LEMD3: variants seen among roughly 807,000 people sequenced by gnomAD.
LEMD3 encodes the protein LEM domain containing 3, also known as inner nuclear membrane protein Man1.
LEMD3 carries 33 observed loss-of-function variants against 95.2 expected under a neutral mutation model. That is an observed-to-expected ratio of 0.35 (90% confidence interval 0.26 to 0.46). LEMD3 has a LOEUF of 0.46. Ranked by LOEUF, LEMD3 falls within the 20% of genes least tolerant of loss-of-function variation. The pLI, the probability that LEMD3 is intolerant of heterozygous loss-of-function variation, is 1.00. For synonymous variants in LEMD3, 525 were observed against 474.6 expected (o/e 1.11, Z -1.38); for missense variants, 1,210 against 1,192.8 (o/e 1.01, Z -0.21).
intron 1 of LEMD3, among the ~76,000 whole-genome samples, chr12:65,194,715 TGGGCTCCTCTC>T (rs1869355351): frequency 1.3e-5 from 2 of 150,082 alleles, no homozygotes; most frequent in East Asian, 2.0e-4. Flanking sequence ...TAGCAGAATT[TGGGCTCCTCTC>T]ATCTTCCTAA....
chr12:65,181,415 G>C (rs796324736), intron 1 of LEMD3, among the ~76,000 whole-genome samples: 2 of 152,130 alleles, frequency 1.3e-5, no homozygotes, highest in Admixed American at 1.3e-4. Flanking sequence ...AACTATAGGA[G>C]TGACACTCTC....
chr12:65,211,028 G>T, intron 2 of LEMD3, 65 bp downstream of exon 2: 1 of 1,167,696 alleles, frequency 8.6e-7, no homozygotes, highest in South Asian at 1.3e-5. Context: ...GCATGAGAAT[G>T]ACTATCAACT....
intron 4 of LEMD3, among the ~76,000 whole-genome samples, chr12:65,228,465 G>A (rs987632038): frequency 4.7e-5 from 7 of 150,440 alleles, no homozygotes; most frequent in Non-Finnish European, 5.9e-5. Context: ...GCGAGATCTC[G>A]GCTCACCGCA....
intron 4 of LEMD3, among the ~76,000 whole-genome samples, chr12:65,236,814 A>C (rs1870787294): frequency 6.6e-6 from 1 of 152,162 alleles, no homozygotes; most frequent in Non-Finnish European, 1.5e-5. Context: ...ATTTTGTTGA[A>C]AAAAATAGGG....
At chr12:65,200,257 A>G (rs925875392) in intron 1 of LEMD3, among the ~76,000 whole-genome samples, 1 of 152,126 alleles carries the variant, frequency 6.6e-6, no homozygotes, top group Admixed American at 6.5e-5. Context: ...GGGTGTAACC[A>G]GGTAACCAGT....
intron 1 of LEMD3, among the ~76,000 whole-genome samples, chr12:65,196,235 A>T (rs958148785): frequency 8.7e-5 from 13 of 149,924 alleles, no homozygotes; most frequent in African/African-American, 2.5e-4. Context: ...ACATGTAATT[A>T]AAAAAAAAAT....
chr12:65,182,753 G>A (rs1237019806), intron 1 of LEMD3, among the ~76,000 whole-genome samples: 1 of 152,162 alleles, frequency 6.6e-6, no homozygotes, highest in Non-Finnish European at 1.5e-5. Flanking sequence ...CCAAAATGTA[G>A]TACTGAATTT....
intron 10 of LEMD3, 116 bp from the exon 11 acceptor site, chr12:65,245,553 G>A (rs753973565): frequency 4.3e-5 from 33 of 760,180 alleles, no homozygotes; most frequent in Non-Finnish European, 5.4e-5. Flanking sequence ...AATTAAAATC[G>A]TATGTGGTTT....
intron 4 of LEMD3, among the ~76,000 whole-genome samples, chr12:65,219,996 T>G (rs944312305): frequency 6.6e-6 from 1 of 152,230 alleles, no homozygotes; most frequent in Non-Finnish European, 1.5e-5. Context: ...TGTGAATAAT[T>G]CATCAATGAA....
chr12:65,226,073 A>G (rs772096653), intron 4 of LEMD3, among the ~76,000 whole-genome samples: 6 of 152,178 alleles, frequency 3.9e-5, no homozygotes, highest in Non-Finnish European at 7.3e-5. Flanking sequence ...AACTTTCTTC[A>G]TGCCGAGCTG....
intron 4 of LEMD3, among the ~76,000 whole-genome samples, chr12:65,234,543 C>T (rs1870720253): frequency 6.6e-6 from 1 of 152,098 alleles, no homozygotes; most frequent in African/African-American, 2.4e-5. Context: ...CTCAACACCC[C>T]ATTAAGTCCT....
At position 65,204,683 on chromosome 12, in the gene LEMD3, G is replaced by C. The variant is rs189893263; in HGVS notation, c.1523-6243G>C. 2.4e-4 allele frequency among the ~76,000 whole-genome samples: 36 copies of C among 152,082 alleles called. No individual in the cohort carries two copies. In the East Asian group the frequency reaches 4.5e-3, roughly 19 times the overall value. ...ATAATAGAATGATTTATATTCCTTT[G>C]GGTATATTCAGTAATTGATTGGTGG... is the stretch of plus-strand genomic sequence containing the variant. On this transcript the variant is annotated intron_variant, in intron 1 of 12. Coordinates refer to ENST00000308330, the MANE Select transcript of LEMD3 (RefSeq NM_014319.5).
chr12:65,217,252 G>A (rs1224826621), intron 3 of LEMD3, among the ~76,000 whole-genome samples: 1 of 152,144 alleles, frequency 6.6e-6, no homozygotes, highest in East Asian at 1.9e-4. Flanking sequence ...TACCATGAAA[G>A]CAGCCATAAA....
chr12:65,240,793 A>G (rs1835897586), intron 8 of LEMD3, 116 bp from the exon 9 acceptor site: 2 of 910,010 alleles, frequency 2.2e-6, no homozygotes, highest in Non-Finnish European at 3.5e-6. Flanking sequence ...TTCTTTGAAC[A>G]AACTCCATGA....
intron 1 of LEMD3, among the ~76,000 whole-genome samples, chr12:65,179,798 C>T (rs948087082): frequency 1.3e-5 from 2 of 152,008 alleles, no homozygotes; most frequent in Non-Finnish European, 2.9e-5. Context: ...GTATTTTAAT[C>T]TTGTATTGAT....
intron 1 of LEMD3, among the ~76,000 whole-genome samples, chr12:65,207,810 G>T (rs1170447384): frequency 1.3e-5 from 2 of 151,616 alleles, no homozygotes; most frequent in Non-Finnish European, 2.9e-5. Context: ...GTTTATAAAC[G>T]TATAGATGTG....
At chr12:65,233,230 T>C (rs1028991436) in intron 4 of LEMD3, among the ~76,000 whole-genome samples, 1 of 152,156 alleles carries the variant, frequency 6.6e-6, no homozygotes, top group Non-Finnish European at 1.5e-5. Context: ...TTCTATATAT[T>C]GTTCTGCCTC....
At chr12:65,230,790 T>G (rs949807341) in intron 4 of LEMD3, among the ~76,000 whole-genome samples, 1 of 152,184 alleles carries the variant, frequency 6.6e-6, no homozygotes, top group Non-Finnish European at 1.5e-5. Flanking sequence ...TAATACTATG[T>G]TAAATAAGAA....
At chr12:65,218,259 A>G (rs1870169832) in intron 3 of LEMD3, among the ~76,000 whole-genome samples, 1 of 152,286 alleles carries the variant, frequency 6.6e-6, no homozygotes. Context: ...CTTACAGTTT[A>G]GTTGGGAATA....
Sources: allele counts gnomAD v4.1 joint callset (sites outside exome capture counted in the v4.1 genomes callset), GRCh38; gene constraint gnomAD v4.1.1; transcripts MANE v1.5; gene names NCBI Gene and HGNC (gene_info 2026-07-23, HGNC 2026-07-21).